The following ANKRD36C variants were observed in gnomAD, a reference collection of about 807,000 sequenced individuals.
The protein encoded by ANKRD36C is ankyrin repeat domain-containing protein 36C.
ANKRD36C carries 61 observed loss-of-function variants against 276.4 expected under a neutral mutation model. That is an observed-to-expected ratio of 0.22 (90% CI 0.18 to 0.27). The LOEUF (loss-of-function observed/expected upper bound fraction) is 0.27, where lower values mean the gene tolerates loss of function less well. Among genes scored for constraint, ANKRD36C ranks in the 10% least tolerant of loss-of-function variants. ANKRD36C has a pLI of 1.00. For missense variants in ANKRD36C, 1,447 were observed against 2,032.3 expected, an observed-to-expected ratio of 0.71 and a Z score of 5.54; for synonymous variants, 483 against 680.1, an observed-to-expected ratio of 0.71 and a Z score of 4.51.
chr2:95,959,440 A>G (rs1678405912), intron 10 of ANKRD36C, among the ~76,000 whole-genome samples: 2 of 152,226 alleles, frequency 1.3e-5, no homozygotes, highest in African/African-American at 4.8e-5. Flanking sequence ...TTATTCATCC[A>G]CTCATGGCAA....
At chr2:95,965,148 T>C (rs1384277666) in intron 6 of ANKRD36C, among the ~76,000 whole-genome samples, 1 of 151,728 alleles carries the variant, frequency 6.6e-6, no homozygotes, top group African/African-American at 2.4e-5. Context: ...CAAATAAATA[T>C]GGAACAGAAA....
At chr2:95,884,405 A>G in intron 52 of ANKRD36C, 37 bp from the exon 73 acceptor site, 1 of 1,610,442 alleles carries the variant, frequency 6.2e-7, no homozygotes, top group Non-Finnish European at 8.5e-7. Flanking sequence ...ACCCACATGC[A>G]CGTATGATAA....
intron 44 of ANKRD36C, chr2:95,894,405 C>T (rs1308704280): frequency 6.6e-6 from 1 of 152,024 alleles, no homozygotes; most frequent in African/African-American, 2.4e-5. Flanking sequence ...AATATATTAG[C>T]CTCAATAAAA....
intron 17 of ANKRD36C, among the ~76,000 whole-genome samples, chr2:95,945,586 G>A (rs1244936196): frequency 3.3e-5 from 5 of 151,778 alleles, no homozygotes; most frequent in East Asian, 1.9e-4. Flanking sequence ...TACTTTCTGC[G>A]GGAAAAAATG....
chr2:95,894,624 C>T (rs1676482575), intron 44 of ANKRD36C, among the ~76,000 whole-genome samples: 2 of 151,330 alleles, frequency 1.3e-5, no homozygotes, highest in South Asian at 4.1e-4. Flanking sequence ...CATTAAACAG[C>T]TATTTTATAC....
At chr2:95,953,856 G>C in intron 14 of ANKRD36C, 83 bp downstream of exon 14, 3 of 1,318,446 alleles carry the variant, frequency 2.3e-6, no homozygotes, top group Non-Finnish European at 3.1e-6. Context: ...ATGATAGGTA[G>C]ACAACTGCTA....
At chr2:95,976,204 T>C (rs1189425268) in intron 6 of ANKRD36C, among the ~76,000 whole-genome samples, 1 of 152,206 alleles carries the variant, frequency 6.6e-6, no homozygotes, top group Non-Finnish European at 1.5e-5. Context: ...GTTCAACCAT[T>C]GTGGAAGTCA....
chr2:95,963,958 AATATATATATATAAATATAT>A (rs1558658587), intron 6 of ANKRD36C, among the ~76,000 whole-genome samples: 1 of 63,598 alleles, frequency 1.6e-5, no homozygotes. Flanking sequence ...TATATATATA[AATATATATATATAAATATAT>A]ATATATATAT....
At chr2:95,853,971 G>A (rs922656089) in intron 63 of ANKRD36C, 110 bp from the exon 84 acceptor site, 24 of 1,332,030 alleles carry the variant, frequency 1.8e-5, no homozygotes, top group African/African-American at 4.5e-5. Flanking sequence ...CACACAGACC[G>A]ATTCACCTTC....
intron 52 of ANKRD36C, among the ~76,000 whole-genome samples, chr2:95,885,059 AT>A (rs1307903319): frequency 1.3e-5 from 2 of 152,076 alleles, no homozygotes; most frequent in African/African-American, 4.8e-5. Context: ...CTCAATAAAA[AT>A]ATCATCAATT....
intron 1 of ANKRD36C, among the ~76,000 whole-genome samples, chr2:95,989,881 T>C (rs1208034048): frequency 1.3e-5 from 2 of 152,186 alleles, no homozygotes; most frequent in Non-Finnish European, 2.9e-5. Context: ...TTTTTTCCCA[T>C]GTGCATAGGT....
At position 95,983,594 on chromosome 2, in the gene ANKRD36C, T is replaced by C. The variant is rs1347620509; in HGVS notation, c.487-1232A>G. Among the ~76,000 whole-genome samples the C allele has an allele frequency of 1.0e-4, 15 of 149,962 alleles. 1 individual carries two copies. The highest frequency in any genetic ancestry group is 6.8e-3 in the Middle Eastern group (2 of 292). On this transcript the variant is annotated intron_variant, in intron 3 of 66. Coordinates refer to ENST00000456556, the Ensembl canonical transcript of ANKRD36C. ...CTAAATTATTTGCATCATTTATTTA[T>C]TTATTTATTTATTTATTTATTTATT...
intron 19 of ANKRD36C, among the ~76,000 whole-genome samples, chr2:95,943,352 G>C (rs1270461619): frequency 1.3e-5 from 2 of 151,522 alleles, no homozygotes; most frequent in South Asian, 4.2e-4. Context: ...GGGCGTGATG[G>C]CGGGCGCCTA....
chr2:95,978,832 T>C (rs1678862576), intron 5 of ANKRD36C, among the ~76,000 whole-genome samples: 1 of 152,062 alleles, frequency 6.6e-6, no homozygotes, highest in Admixed American at 6.6e-5. Context: ...GAATACATTA[T>C]TTCATTAAAA....
intron 38 of ANKRD36C, 93 bp downstream of exon 40, chr2:95,915,887 G>T: frequency 6.9e-7 from 1 of 1,443,260 alleles, no homozygotes; most frequent in African/African-American, 1.4e-5. Context: ...GAATCAGAAT[G>T]TGCAGCTTCG....
At chr2:95,974,923 C>A (rs1678775242) in intron 6 of ANKRD36C, among the ~76,000 whole-genome samples, 1 of 151,324 alleles carries the variant, frequency 6.6e-6, no homozygotes, top group Non-Finnish European at 1.5e-5. Flanking sequence ...TTGTCCTTGC[C>A]ATAGTTTGCT....
chr2:95,908,030 T>A (rs1676793513), intron 42 of ANKRD36C, among the ~76,000 whole-genome samples: 1 of 150,820 alleles, frequency 6.6e-6, no homozygotes, highest in African/African-American at 2.4e-5. Context: ...TTTTCACACC[T>A]TCCTGCCTCA....
chr2:95,956,867 A>C, intron 12 of ANKRD36C, 51 bp from the exon 13 acceptor site: 3 of 1,453,620 alleles, frequency 2.1e-6, no homozygotes, highest in East Asian at 4.9e-5. Flanking sequence ...GGAACCTATA[A>C]AATATTAAAA....
intron 54 of ANKRD36C, among the ~76,000 whole-genome samples, chr2:95,882,777 T>C (rs1676114527): frequency 6.6e-6 from 1 of 152,160 alleles, no homozygotes; most frequent in Non-Finnish European, 1.5e-5. Context: ...GTGGATATAC[T>C]GAATGATGAA....
Sources: allele counts gnomAD v4.1 joint callset (sites outside exome capture counted in the v4.1 genomes callset), GRCh38; gene constraint gnomAD v4.1.1; transcripts MANE v1.5; gene names NCBI Gene and HGNC (gene_info 2026-07-23, HGNC 2026-07-21).